Variants in DSCAM observed in about 807,000 individuals in gnomAD.
The protein encoded by DSCAM is cell adhesion molecule DSCAM.
Under a neutral mutation model 217.7 loss-of-function variants are expected in DSCAM, and 47 were observed. That is an observed-to-expected ratio of 0.22 (90% CI 0.17 to 0.28). DSCAM has a LOEUF of 0.28. Among genes scored for constraint, DSCAM ranks in the 10% least tolerant of loss-of-function variants. The pLI, the probability that DSCAM is intolerant of heterozygous loss-of-function variation, is 1.00. For synonymous variants in DSCAM, 1,056 were observed against 1,015.3 expected (o/e 1.04, Z -0.76); for missense variants, 2,080 against 2,618.3 (o/e 0.79, Z 4.49).
At chr21:40,613,962 C>A (rs1392512740) in intron 3 of DSCAM, among the ~76,000 whole-genome samples, 2 of 152,290 alleles carry the variant, frequency 1.3e-5, no homozygotes, top group African/African-American at 4.8e-5. Flanking sequence ...AAATCGTTAT[C>A]CTTGCACAAA....
At chr21:40,480,121 AG>A in intron 3 of DSCAM, among the ~76,000 whole-genome samples, 1 of 152,358 alleles carries the variant, frequency 6.6e-6, no homozygotes, top group Non-Finnish European at 1.5e-5. Flanking sequence ...AATGAGGCAG[AG>A]GAAGGTCAAA....
Position 40,780,398 on chromosome 21 carries a change from C to CGT in DSCAM, c.43+66219_43+66220dup, listed in dbSNP as rs140268971. The stretch of plus-strand genomic sequence containing the variant: ...TGCCTCACCTATTTCCAAATATAAA[C>CGT]GTGTGTGTGTGTGTGTGTGTGTGTG... On this transcript the variant is annotated intron_variant, in intron 1 of 32. Transcript: ENST00000400454. 3.9e-3 allele frequency among the ~76,000 whole-genome samples: 423 copies of CGT among 108,614 alleles called. 17 individuals are homozygous for CGT. Among genetic ancestry groups the CGT allele is most frequent in the East Asian group, 4.4e-3 (15 of 3,440 alleles). 71.3% of individuals were successfully genotyped at this position (108,614 alleles called of 152,430 possible). A position where few individuals can be genotyped will look rare whatever the true frequency, so the allele number is the denominator to read the frequency against.
At chr21:40,353,768 G>C in intron 4 of DSCAM, 25 bp from the exon 5 acceptor site, 1 of 1,502,664 alleles carries the variant, frequency 6.7e-7, no homozygotes, top group African/African-American at 1.4e-5. Flanking sequence ...AAAACTCTTA[G>C]AGGCAGGAAT....
At chr21:40,629,074 GTGGTGT>G (rs1466261407) in intron 3 of DSCAM, among the ~76,000 whole-genome samples, 1 of 133,490 alleles carries the variant, frequency 7.5e-6, no homozygotes, top group African/African-American at 2.9e-5. Context: ...ATGTGTGTGT[GTGGTGT>G]GTGTGTGTGT....
At chr21:40,015,913 T>G (rs1420998877) in intron 32 of DSCAM, among the ~76,000 whole-genome samples, 1 of 152,212 alleles carries the variant, frequency 6.6e-6, no homozygotes. Flanking sequence ...GTACAGACAG[T>G]GTGCCTTATC....
chr21:40,660,079 C>T (rs147091235), intron 3 of DSCAM, among the ~76,000 whole-genome samples: 2 of 152,326 alleles, frequency 1.3e-5, no homozygotes, highest in East Asian at 3.9e-4. Context: ...CATCACCTTA[C>T]TGCATCTTCC....
intron 25 of DSCAM, among the ~76,000 whole-genome samples, chr21:40,079,863 A>G (rs1413603236): frequency 6.6e-6 from 1 of 152,182 alleles, no homozygotes; most frequent in African/African-American, 2.4e-5. Flanking sequence ...GGCAAGCGCC[A>G]CGCTTCATGG....
intron 3 of DSCAM, among the ~76,000 whole-genome samples, chr21:40,414,392 T>G (rs2075351434): frequency 6.6e-6 from 1 of 152,212 alleles, no homozygotes; most frequent in Non-Finnish European, 1.5e-5. Context: ...ATGTTTAATA[T>G]CATTTTCAGG....
At chr21:40,398,181 T>C (rs1013221085) in intron 3 of DSCAM, among the ~76,000 whole-genome samples, 2 of 152,202 alleles carry the variant, frequency 1.3e-5, no homozygotes, top group South Asian at 2.1e-4. Flanking sequence ...TGGGCACTTA[T>C]ACACTCTTAG....
At chr21:40,368,913 A>T (rs1305649005) in intron 4 of DSCAM, among the ~76,000 whole-genome samples, 186 bp downstream of exon 4, 1 of 152,232 alleles carries the variant, frequency 6.6e-6, no homozygotes, top group Non-Finnish European at 1.5e-5. Context: ...GACAAATGTG[A>T]AATCTGTATT....
chr21:40,648,173 C>T (rs567100334), intron 3 of DSCAM, among the ~76,000 whole-genome samples: 32 of 151,380 alleles, frequency 2.1e-4, no homozygotes, highest in African/African-American at 7.8e-4. Flanking sequence ...TGGGGTGATA[C>T]TAAAATAATT....
chr21:40,420,768 T>G (rs1226568617), intron 3 of DSCAM, among the ~76,000 whole-genome samples: 1 of 152,106 alleles, frequency 6.6e-6, no homozygotes, highest in Admixed American at 6.6e-5. Context: ...AAGGCAGATA[T>G]CAGATGATGT....
intron 11 of DSCAM, among the ~76,000 whole-genome samples, chr21:40,272,567 C>T (rs2073633201): frequency 6.6e-6 from 1 of 152,106 alleles, no homozygotes; most frequent in Non-Finnish European, 1.5e-5. Context: ...AAGAAAATTT[C>T]CCATATAGGA....
chr21:40,170,018 T>C, intron 15 of DSCAM, among the ~76,000 whole-genome samples: 1 of 152,172 alleles, frequency 6.6e-6, no homozygotes, highest in East Asian at 1.9e-4. Context: ...CAGAGCACAA[T>C]TCACACTGTT....
At chr21:40,221,164 T>C (rs1056981811) in intron 11 of DSCAM, among the ~76,000 whole-genome samples, 1 of 151,806 alleles carries the variant, frequency 6.6e-6, no homozygotes, top group East Asian at 1.9e-4. Context: ...TGAAAAAGAG[T>C]TGAGAGCCTC....
intron 3 of DSCAM, among the ~76,000 whole-genome samples, chr21:40,459,848 G>A (rs969734774): frequency 2.6e-5 from 4 of 152,046 alleles, no homozygotes; most frequent in African/African-American, 4.8e-5. Flanking sequence ...GGTAGCAATC[G>A]GTAGGAAAAA....
intron 3 of DSCAM, among the ~76,000 whole-genome samples, chr21:40,453,650 CAA>C (rs913180529): frequency 5.9e-5 from 9 of 152,234 alleles, no homozygotes; most frequent in African/African-American, 2.2e-4. Flanking sequence ...CTGCTGTTGA[CAA>C]GAGATAAACA....
chr21:40,254,044 A>G (rs1264612152), intron 11 of DSCAM, among the ~76,000 whole-genome samples: 1 of 152,174 alleles, frequency 6.6e-6, no homozygotes, highest in Non-Finnish European at 1.5e-5. Flanking sequence ...CCTTTAACTC[A>G]TGGGATCTGA....
chr21:40,737,800 A>C (rs149450270), intron 1 of DSCAM, among the ~76,000 whole-genome samples: 1 of 152,206 alleles, frequency 6.6e-6, no homozygotes, highest in Non-Finnish European at 1.5e-5. Flanking sequence ...TCCAGCATCC[A>C]GCTGACCTCA....
Sources: allele counts gnomAD v4.1 joint callset (sites outside exome capture counted in the v4.1 genomes callset), GRCh38; gene constraint gnomAD v4.1.1; transcripts MANE v1.5; gene names NCBI Gene and HGNC (gene_info 2026-07-23, HGNC 2026-07-21).